TP73: variants seen among roughly 807,000 people sequenced by gnomAD.
TP73 encodes tumor protein p73.
A neutral mutation model predicts 62.5 loss-of-function variants in TP73; 25 were observed. That is an observed-to-expected ratio of 0.40 (90% CI 0.29 to 0.56). The LOEUF is 0.56. TP73 is among the 20% of genes least tolerant of loss of function. TP73 has a pLI of 0.46. For synonymous variants in TP73, 423 were observed against 377.5 expected (o/e 1.12, Z -1.40); for missense variants, 754 against 913.3 (o/e 0.83, Z 2.25).
chr1:3,667,709 C>T (rs1362768522), intron 1 of TP73, among the ~76,000 whole-genome samples: 5 of 147,504 alleles, frequency 3.4e-5, no homozygotes, highest in Non-Finnish European at 7.4e-5. Context: ...AAGATGGAGC[C>T]ACTGCACTCC....
At chr1:3,686,823 T>G (rs1645669325) in intron 3 of TP73, among the ~76,000 whole-genome samples, 1 of 152,086 alleles carries the variant, frequency 6.6e-6, no homozygotes, top group Admixed American at 6.5e-5. Flanking sequence ...CTGGGCAACT[T>G]TTAAAGAATT....
At position 3,735,357 on chromosome 1, in the gene TP73, G is replaced by A. The variant is rs1379745336; in HGVS notation, c.*2278G>A. On this transcript the variant is annotated 3_prime_UTR_variant, in exon 14 of 14. Transcript: ENST00000378295. Reference sequence around the variant, plus strand: ...CCTGAGTCCAGTGAGGCTGTCCCAAGAGCCCCTGTAGTGTGCTCCTGGGAA... The same window carrying A: ...CCTGAGTCCAGTGAGGCTGTCCCAAAAGCCCCTGTAGTGTGCTCCTGGGAA... 7 of 147,970 alleles carry A rather than the reference G, an allele frequency of 4.7e-5. No individual in the cohort carries two copies. Among genetic ancestry groups the A allele is most frequent in the Non-Finnish European group, 1.0e-4 (7 of 66,824 alleles). 9.2% of individuals were successfully genotyped at this position (147,970 alleles called of 1,614,324 possible).
intron 1 of TP73, among the ~76,000 whole-genome samples, chr1:3,680,858 A>C (rs1015504143): frequency 2.0e-5 from 3 of 152,236 alleles, no homozygotes; most frequent in African/African-American, 7.2e-5. Flanking sequence ...CCACCTGGCC[A>C]CGTGATGGTG....
chr1:3,711,846 ATGTGTG>A (rs3841787), intron 4 of TP73, among the ~76,000 whole-genome samples: 5 of 150,218 alleles, frequency 3.3e-5, no homozygotes, highest in South Asian at 2.1e-4. Context: ...GAGCGTGTGT[ATGTGTG>A]TGTGTGTGTG....
rs1364266630 is a variant in TP73 at position 3,663,450 on chromosome 1, T to C, written c.-34+10809T>C. The stretch of plus-strand genomic sequence containing the variant: ...GATACAGGCGGCTGGGCGTGGTGGC[T>C]CACGCCTGTAATCCCAGCACTTTGG... On this transcript the variant is annotated intron_variant, in intron 1 of 13. Transcript: ENST00000378295. The surrounding 1 kb of genome is among the most constrained non-coding windows in gnomAD (Gnocchi z 4.7). 1.3e-5 allele frequency among the ~76,000 whole-genome samples: 2 copies of C among 152,036 alleles called. No homozygotes were observed. The highest frequency in any genetic ancestry group is 2.9e-5 in the Non-Finnish European group (2 of 67,992).
chr1:3,733,347 C>G lies in TP73; in HGVS notation c.*268C>G. The G allele has an allele frequency of 1.8e-6, 1 of 541,306 alleles. No individual in the cohort carries two copies. Among genetic ancestry groups the G allele is most frequent in the East Asian group, 3.0e-5 (1 of 32,982 alleles). The allele number at this position is 541,306 out of a possible 1,614,324, so 33.5% of individuals were successfully genotyped here. On this transcript the variant is annotated 3_prime_UTR_variant, in exon 14 of 14. Transcript: ENST00000378295. ...GGGGCGGGGGCTGGCCCACTCTCAG[C>G]CCTGCCACTGCCCCGGCGTGCTCCA... is the stretch of plus-strand genomic sequence containing the variant.
At chr1:3,727,308 G>A in intron 7 of TP73, 84 bp downstream of exon 7, 1 of 1,317,002 alleles carries the variant, frequency 7.6e-7, no homozygotes, top group Admixed American at 1.9e-5. Context: ...ATGGAGACCT[G>A]CAGGCCAAGG....
intron 3 of TP73, among the ~76,000 whole-genome samples, chr1:3,686,545 C>T (rs1231483348): frequency 6.6e-6 from 1 of 152,100 alleles, no homozygotes; most frequent in Non-Finnish European, 1.5e-5. Flanking sequence ...CACACTGGCC[C>T]CTGCAGAGGA....
intron 9 of TP73, among the ~76,000 whole-genome samples, chr1:3,728,741 G>A (rs902537007): frequency 1.3e-5 from 2 of 152,256 alleles, no homozygotes; most frequent in African/African-American, 2.4e-5. Context: ...TTGGGAGGCT[G>A]AGGCGGGTGG....
intron 6 of TP73, 142 bp downstream of exon 6, chr1:3,723,611 C>T (rs908600913): frequency 1.5e-6 from 1 of 677,390 alleles, no homozygotes; most frequent in Non-Finnish European, 2.6e-6. Context: ...GGGCTCCCTG[C>T]TCTGTGATAA....
At chr1:3,691,542 G>A (rs1354156475) in intron 3 of TP73, among the ~76,000 whole-genome samples, 2 of 152,126 alleles carry the variant, frequency 1.3e-5, no homozygotes, top group Non-Finnish European at 2.9e-5. Flanking sequence ...CCCCTGCAGT[G>A]GGCTGCTGGC....
chr1:3,726,738 G>C (rs1207625478), intron 6 of TP73, among the ~76,000 whole-genome samples: 1 of 147,550 alleles, frequency 6.8e-6, no homozygotes, highest in African/African-American at 2.5e-5. Context: ...GGATGGATGG[G>C]GTTGGTGGAT....
rs760857922 is a variant in TP73, at chr1:3,727,757, C to T, written c.972C>T (p.Ala324=). The T allele has an allele frequency of 1.2e-5, 19 of 1,542,274 alleles. No homozygotes were observed. Among genetic ancestry groups the T allele is most frequent in the South Asian group, 3.6e-5 (3 of 83,776 alleles). The part of the protein sequence containing the change: ...ALNESSAKNG[A]ASKRAFKQSP... ...ACGAGAGCTCCGCCAAGAACGGGGC[C>T]GCCAGCAAGCGTGGTGAGCGGCCGG... Residue 324 remains alanine (A), a synonymous_variant, in exon 8 of 14, where the codon GCC becomes GCT. Coordinates refer to ENST00000378295, the MANE Select transcript of TP73 (RefSeq NM_005427.4).
chr1:3,707,509 G>C (rs778083958), intron 3 of TP73, 40 bp from the exon 4 acceptor site: 1 of 1,586,012 alleles, frequency 6.3e-7, no homozygotes, highest in Non-Finnish European at 8.6e-7. Flanking sequence ...ACGACTGACT[G>C]TGTGTGTTTC....
At chr1:3,668,608 A>C (rs1463409287) in intron 1 of TP73, 1 of 151,978 alleles carries the variant, frequency 6.6e-6, no homozygotes, top group East Asian at 1.9e-4. Flanking sequence ...CTAATATTTT[A>C]AAAGAGAGGT....
At chr1:3,715,233 G>A (rs527867811) in intron 4 of TP73, among the ~76,000 whole-genome samples, 2 of 152,260 alleles carry the variant, frequency 1.3e-5, no homozygotes, top group African/African-American at 2.4e-5. Context: ...CCAGCCACGG[G>A]GTAAGAAGCC....
At position 3,666,540 on chromosome 1, in the gene TP73, T is replaced by A. The variant is rs1338504178; in HGVS notation, c.-34+13899T>A. On this transcript the variant is annotated intron_variant, in intron 1 of 13. Transcript: ENST00000378295. The surrounding 1 kb of genome is among the most constrained non-coding windows in gnomAD (Gnocchi z 6.4). ...AGAGCTGTGGGGAGAAAGGAAGGGG[T>A]CTGACAGTGAAGGTGGGTGCGTGGG... Among the ~76,000 whole-genome samples, 3 of 151,838 alleles carry A rather than the reference T, an allele frequency of 2.0e-5. No homozygotes were observed. Among genetic ancestry groups the A allele is most frequent in the Non-Finnish European group, 4.4e-5 (3 of 67,954 alleles).
intron 1 of TP73, among the ~76,000 whole-genome samples, chr1:3,679,517 C>G (rs1420509808): frequency 6.6e-6 from 1 of 151,300 alleles, no homozygotes; most frequent in African/African-American, 2.5e-5. Context: ...CTCTCTGTCT[C>G]TGTCTCTCTC....
intron 1 of TP73, among the ~76,000 whole-genome samples, chr1:3,653,160 C>T (rs1278936548): frequency 1.3e-5 from 2 of 152,244 alleles, no homozygotes; most frequent in African/African-American, 4.8e-5. Flanking sequence ...AGGATCTGGG[C>T]GGGGGCCTTG....
Sources: allele counts gnomAD v4.1 joint callset (sites outside exome capture counted in the v4.1 genomes callset), GRCh38; gene constraint gnomAD v4.1.1; non-coding constraint Gnocchi (gnomAD v3.1); transcripts MANE v1.5; gene names NCBI Gene and HGNC (gene_info 2026-07-23, HGNC 2026-07-21).